CSMD1: variants seen among roughly 807,000 people sequenced by gnomAD.
The protein encoded by CSMD1 is CUB and sushi domain-containing protein 1.
A neutral mutation model predicts 417.5 loss-of-function variants in CSMD1; 213 were observed. That is an observed-to-expected ratio of 0.51 (90% CI 0.46 to 0.57). The LOEUF (loss-of-function observed/expected upper bound fraction) is 0.57, where lower values mean the gene tolerates loss of function less well. CSMD1 is among the 20% of genes least tolerant of loss of function. The pLI is 0.00. For missense variants in CSMD1, 6,923 were observed against 4,529.7 expected, an observed-to-expected ratio of 1.53 and a Z score of -15.17; for synonymous variants, 2,862 against 1,736.8, an observed-to-expected ratio of 1.65 and a Z score of -16.11.
intron 3 of CSMD1, among the ~76,000 whole-genome samples, chr8:4,396,487 G>A (rs1284006826): frequency 1.3e-5 from 2 of 152,058 alleles, no homozygotes; most frequent in Admixed American, 6.6e-5. Flanking sequence ...AATGGGAATT[G>A]CACTGGATTT....
chr8:3,109,606 G>C (rs559930141), intron 43 of CSMD1, among the ~76,000 whole-genome samples: 47 of 152,162 alleles, frequency 3.1e-4, no homozygotes, highest in African/African-American at 1.1e-3. Context: ...TCAGAGCCCA[G>C]GTGCATCCTC....
intron 26 of CSMD1, among the ~76,000 whole-genome samples, chr8:3,244,961 T>C (rs1428046808): frequency 6.6e-6 from 1 of 152,116 alleles, no homozygotes; most frequent in Non-Finnish European, 1.5e-5. Context: ...TGAAGTTATT[T>C]TTTGGCTATT....
intron 20 of CSMD1, among the ~76,000 whole-genome samples, chr8:3,361,760 C>G (rs1809198680): frequency 6.6e-6 from 1 of 151,096 alleles, no homozygotes; most frequent in Non-Finnish European, 1.5e-5. Flanking sequence ...ACACCATGAT[C>G]TTATGGTTCT....
chr8:3,281,889 C>G (rs559893862), intron 26 of CSMD1, among the ~76,000 whole-genome samples: 3 of 152,154 alleles, frequency 2.0e-5, no homozygotes, highest in Admixed American at 6.5e-5. Context: ...TAGTACCATC[C>G]CCCAGTGCTG....
chr8:4,305,217 G>T (rs996631696), intron 3 of CSMD1, among the ~76,000 whole-genome samples: 1 of 152,168 alleles, frequency 6.6e-6, no homozygotes, highest in East Asian at 1.9e-4. Flanking sequence ...AACAGAGAAG[G>T]ATGAAGTGCC....
intron 12 of CSMD1, among the ~76,000 whole-genome samples, chr8:3,435,326 G>T (rs1384037314): frequency 6.6e-6 from 1 of 152,110 alleles, no homozygotes; most frequent in African/African-American, 2.4e-5. Context: ...GGGGCAGAGG[G>T]GCTGAAACAG....
At chr8:3,783,462 A>G (rs1411952986) in intron 5 of CSMD1, among the ~76,000 whole-genome samples, 1 of 152,150 alleles carries the variant, frequency 6.6e-6, no homozygotes, top group African/African-American at 2.4e-5. Flanking sequence ...GCACAGAAGC[A>G]TTGGCGGGCT....
intron 54 of CSMD1, among the ~76,000 whole-genome samples, chr8:2,996,570 A>G (rs527819230): frequency 6.6e-6 from 1 of 152,338 alleles, no homozygotes; most frequent in South Asian, 2.1e-4. Flanking sequence ...GCCTCCACAA[A>G]GAGTCACCGC....
At chr8:4,446,474 G>C (rs1023106144) in intron 2 of CSMD1, among the ~76,000 whole-genome samples, 1 of 152,148 alleles carries the variant, frequency 6.6e-6, no homozygotes, top group Non-Finnish European at 1.5e-5. Flanking sequence ...CCGAACTTGG[G>C]AGACTGAGGC....
chr8:4,073,658 C>G (rs1344622040), intron 3 of CSMD1, among the ~76,000 whole-genome samples: 3 of 152,062 alleles, frequency 2.0e-5, no homozygotes, highest in Non-Finnish European at 2.9e-5. Flanking sequence ...GAATAATTCT[C>G]TGAAGTATAG....
At chr8:3,832,965 T>C (rs114066348) in intron 5 of CSMD1, among the ~76,000 whole-genome samples, 2,276 of 152,268 alleles carry the variant, frequency 0.015, 51 homozygotes, top group African/African-American at 0.051. Flanking sequence ...TGAATATCAA[T>C]AATTGAGAAA....
chr8:4,937,763 G>C (rs751910544), intron 1 of CSMD1, among the ~76,000 whole-genome samples: 15 of 150,724 alleles, frequency 1.0e-4, no homozygotes, highest in South Asian at 2.1e-4. Flanking sequence ...CTAGAGAGAA[G>C]TTTCTCACAC....
At chr8:4,582,553 C>A (rs1194110962) in intron 2 of CSMD1, among the ~76,000 whole-genome samples, 1 of 152,166 alleles carries the variant, frequency 6.6e-6, no homozygotes, top group East Asian at 1.9e-4. Flanking sequence ...GGAAGGAAGA[C>A]AGTCTCTAGC....
rs1563089321 is a variant in CSMD1 at position 3,796,277 on chromosome 8, C to CTATCATGTATAGATATAGA, written c.819-42236_819-42235insTCTATATCTATACATGATA. ...ATCATGTATAGATATAGATATATAT[C>CTATCATGTATAGATATAGA]TATCATGTATAGATATATCTATCAT... On this transcript the variant is annotated intron_variant, in intron 5 of 69. Coordinates refer to ENST00000635120, the MANE Select transcript of CSMD1 (RefSeq NM_033225.6). Among the ~76,000 whole-genome samples, 49 of 71,556 alleles carry CTATCATGTATAGATATAGA rather than the reference C, an allele frequency of 6.8e-4. 16 individuals are homozygous for CTATCATGTATAGATATAGA. The highest frequency in any genetic ancestry group is 1.8e-3 in the African/African-American group (43 of 23,652). The allele number at this position is 71,556 out of a possible 152,430, so 46.9% of individuals were successfully genotyped here.
chr8:3,206,793 C>T (rs190526701), intron 30 of CSMD1, among the ~76,000 whole-genome samples: 13 of 152,244 alleles, frequency 8.5e-5, no homozygotes, highest in Admixed American at 4.6e-4. Flanking sequence ...ATGAAAAACA[C>T]TGTACACAGA....
intron 3 of CSMD1, among the ~76,000 whole-genome samples, chr8:4,203,492 T>C (rs180918552): frequency 1.7e-4 from 26 of 152,290 alleles, no homozygotes; most frequent in Non-Finnish European, 3.4e-4. Flanking sequence ...ATGTTTATTC[T>C]CGATGAGCAA....
intron 6 of CSMD1, among the ~76,000 whole-genome samples, chr8:3,720,936 C>G (rs1209986856): frequency 6.6e-6 from 1 of 152,142 alleles, no homozygotes; most frequent in East Asian, 1.9e-4. Flanking sequence ...CTGCCTCAGC[C>G]TCCCAACTAG....
At chr8:4,370,918 G>C (rs575799590) in intron 3 of CSMD1, among the ~76,000 whole-genome samples, 1 of 152,168 alleles carries the variant, frequency 6.6e-6, no homozygotes, top group Non-Finnish European at 1.5e-5. Flanking sequence ...GTCTATGTCT[G>C]ACACACTTCA....
At chr8:3,221,851 G>A (rs1156549620) in intron 28 of CSMD1, among the ~76,000 whole-genome samples, 1 of 151,912 alleles carries the variant, frequency 6.6e-6, no homozygotes, top group Non-Finnish European at 1.5e-5. Flanking sequence ...ATGTCCTTCA[G>A]GTCATATGAT....
Sources: allele counts gnomAD v4.1 joint callset (sites outside exome capture counted in the v4.1 genomes callset), GRCh38; gene constraint gnomAD v4.1.1; transcripts MANE v1.5; gene names NCBI Gene and HGNC (gene_info 2026-07-23, HGNC 2026-07-21).